Variants in TMCC1 observed in about 807,000 individuals in gnomAD.
TMCC1 encodes the protein transmembrane and coiled-coil domains protein 1.
A neutral mutation model predicts 52.4 loss-of-function variants in TMCC1; 15 were observed. That is an observed-to-expected ratio of 0.29 (90% CI 0.19 to 0.44). The LOEUF (loss-of-function observed/expected upper bound fraction) is 0.44. Ranked by LOEUF, TMCC1 falls within the 20% of genes least tolerant of loss-of-function variation. TMCC1 has a pLI of 1.00. For missense variants in TMCC1, 503 were observed against 806.0 expected, an observed-to-expected ratio of 0.62 and a Z score of 4.55; for synonymous variants, 279 against 301.9, an observed-to-expected ratio of 0.92 and a Z score of 0.79.
intron 4 of TMCC1, among the ~76,000 whole-genome samples, chr3:129,813,100 A>T (rs2057912466): frequency 6.6e-6 from 1 of 152,218 alleles, no homozygotes; most frequent in Admixed American, 6.5e-5. Context: ...GCAAATCTAA[A>T]CCACAATAAG....
chr3:129,669,095 G>T (rs995033842), intron 5 of TMCC1, among the ~76,000 whole-genome samples: 3 of 152,222 alleles, frequency 2.0e-5, no homozygotes, highest in Non-Finnish European at 2.9e-5. Context: ...TTACTGATTA[G>T]AGTTTTCACC....
intron 4 of TMCC1, among the ~76,000 whole-genome samples, chr3:129,748,357 G>A (rs997164793): frequency 6.6e-6 from 1 of 152,064 alleles, no homozygotes; most frequent in African/African-American, 2.4e-5. Context: ...GCATAATCTC[G>A]GCTCACTGCA....
At chr3:129,815,314 G>T (rs1299975949) in intron 4 of TMCC1, among the ~76,000 whole-genome samples, 1 of 151,996 alleles carries the variant, frequency 6.6e-6, no homozygotes, top group African/African-American at 2.4e-5. Flanking sequence ...TGAGCAAAAA[G>T]AACAAAATGG....
chr3:129,810,994 T>C (rs1244365822), intron 4 of TMCC1, among the ~76,000 whole-genome samples: 3 of 152,226 alleles, frequency 2.0e-5, no homozygotes, highest in African/African-American at 7.2e-5. Context: ...GGTAAAATGG[T>C]TATTTAAATG....
chr3:129,859,693 C>T (rs1490444183), intron 2 of TMCC1, among the ~76,000 whole-genome samples: 35 of 150,694 alleles, frequency 2.3e-4, no homozygotes, highest in Admixed American at 2.3e-3. Flanking sequence ...CACATACACA[C>T]GTATATACAT....
At chr3:129,669,685 A>G (rs987576495) in intron 5 of TMCC1, among the ~76,000 whole-genome samples, 1 of 152,234 alleles carries the variant, frequency 6.6e-6, no homozygotes, top group Non-Finnish European at 1.5e-5. Flanking sequence ...GAGAAAGGAC[A>G]CATATTCAGA....
rs138301565 is a variant in TMCC1, at chr3:129,697,416, C to T, written c.577-26152G>A. ...TGTGGGCTGTACACAGCAGGGGGGT[C>T]CTCGGCCTGGCCCACGAAGCCATTT... is the stretch of plus-strand genomic sequence containing the variant. On this transcript the variant is annotated intron_variant, in intron 4 of 6. Coordinates refer to ENST00000393238, the MANE Select transcript of TMCC1 (RefSeq NM_001017395.5). Among the ~76,000 whole-genome samples, 61 of 152,252 alleles carry T rather than the reference C, an allele frequency of 4.0e-4. No individual in the cohort carries two copies. In the East Asian group the frequency reaches 0.011, roughly 28 times the overall value.
At chr3:129,714,441 T>C (rs1419961551) in intron 4 of TMCC1, among the ~76,000 whole-genome samples, 1 of 152,180 alleles carries the variant, frequency 6.6e-6, no homozygotes, top group East Asian at 1.9e-4. Context: ...TTTTCACTTA[T>C]CATTTGTATT....
intron 4 of TMCC1, among the ~76,000 whole-genome samples, chr3:129,799,760 C>T (rs975905342): frequency 9.9e-5 from 15 of 152,006 alleles, no homozygotes; most frequent in Admixed American, 5.9e-4. Context: ...TGCAGTGAGC[C>T]GAGATCATGC....
rs745870890 is a variant in TMCC1, at chr3:129,655,032, T to G, written c.1583A>C (p.Gln528Pro). Residue 528 changes from glutamine to proline, a missense_variant, in exon 6 of 7, where the codon CAG (glutamine) becomes CCG (proline). This residue lies in a region of TMCC1 where 121 missense variants were observed against 193.6 expected (regional missense o/e 0.62). Coordinates refer to ENST00000393238, the MANE Select transcript of TMCC1 (RefSeq NM_001017395.5). ...LHQNEILNLK[Q>P]ELASMEEKIA... ...TTTTTCTTCCATGCTTGCCAGTTCC[T>G]GCTTCAAGTTCAAGATTTCATTCTG... is the stretch of plus-strand genomic sequence containing the variant. 6.2e-7 allele frequency: 1 copy of G among 1,614,218 alleles called. No individual in the cohort carries two copies. Among genetic ancestry groups the G allele is most frequent in the Non-Finnish European group, 8.5e-7 (1 of 1,180,028 alleles).
chr3:129,654,881 C>G, intron 6 of TMCC1, 87 bp downstream of exon 6: 6 of 1,504,528 alleles, frequency 4.0e-6, no homozygotes, highest in South Asian at 1.3e-5. Context: ...TGTTCTCTAC[C>G]TTCTCATCTT....
intron 4 of TMCC1, among the ~76,000 whole-genome samples, chr3:129,817,860 T>C (rs1424442333): frequency 6.6e-6 from 1 of 152,108 alleles, no homozygotes; most frequent in Non-Finnish European, 1.5e-5. Flanking sequence ...TCACCCAGGC[T>C]AGAGTGCAAT....
intron 4 of TMCC1, among the ~76,000 whole-genome samples, chr3:129,792,187 TACATATATATATATAC>T (rs969570818): frequency 2.0e-5 from 3 of 148,088 alleles, no homozygotes; most frequent in Non-Finnish European, 4.5e-5. Context: ...TATATATATA[TACATATATATATATAC>T]ACATATATAT....
rs113985381 is a variant in TMCC1 at position 129,858,014 on chromosome 3, T to C, written c.-184+22295A>G. On this transcript the variant is annotated intron_variant, in intron 2 of 6. Coordinates refer to ENST00000393238, the MANE Select transcript of TMCC1 (RefSeq NM_001017395.5). Reference sequence around the variant, plus strand: ...GCCAGCAGGCAGAAAAGCTGGAACTTACACTCTTGACTACTCTACCACAGG... The same window carrying C: ...GCCAGCAGGCAGAAAAGCTGGAACTCACACTCTTGACTACTCTACCACAGG... Among the ~76,000 whole-genome samples the C allele has an allele frequency of 9.8e-3, 1,490 of 152,308 alleles. 25 individuals carry two copies. Among genetic ancestry groups the C allele is most frequent in the African/African-American group, 0.034 (1,402 of 41,558 alleles).
chr3:129,801,659 C>T (rs1259752537), intron 4 of TMCC1, among the ~76,000 whole-genome samples: 1 of 152,178 alleles, frequency 6.6e-6, no homozygotes, highest in African/African-American at 2.4e-5. Flanking sequence ...TGGCCTCAAA[C>T]TCCTGACTTT....
chr3:129,792,601 C>A (rs1244567397), intron 4 of TMCC1, among the ~76,000 whole-genome samples: 2 of 152,180 alleles, frequency 1.3e-5, no homozygotes, highest in African/African-American at 4.8e-5. Flanking sequence ...AACTCACTAA[C>A]ATAACTATTC....
In TMCC1 at chr3:129,763,204, TAAAA is replaced by T. The variant is rs1177489452; in HGVS notation, c.576+64595_576+64598del. The stretch of plus-strand genomic sequence containing the variant: ...CAGAGCAAGACTCTGTCTCAAAAAA[TAAAA>T]AATAAATAAATAAATAAATAAATAA... On this transcript the variant is annotated intron_variant, in intron 4 of 6. Coordinates refer to ENST00000393238, the MANE Select transcript of TMCC1 (RefSeq NM_001017395.5). 1.8e-4 allele frequency among the ~76,000 whole-genome samples: 19 copies of T among 107,002 alleles called. 1 individual carries two copies. In the East Asian group the frequency reaches 2.1e-3, roughly 12 times the overall value. 70.2% of individuals were successfully genotyped at this position (107,002 alleles called of 152,430 possible).
chr3:129,829,046 T>C (rs1228569495), intron 3 of TMCC1, among the ~76,000 whole-genome samples: 1 of 152,218 alleles, frequency 6.6e-6, no homozygotes, highest in Non-Finnish European at 1.5e-5. Flanking sequence ...TTCATATTCA[T>C]CAAGTTCACT....
At chr3:129,731,638 T>A (rs976480938) in intron 4 of TMCC1, among the ~76,000 whole-genome samples, 1 of 151,944 alleles carries the variant, frequency 6.6e-6, no homozygotes, top group African/African-American at 2.4e-5. Flanking sequence ...CTTCATCATT[T>A]TTTTTTTTTT....
Sources: gnomAD v4.1 joint callset for allele counts (sites outside exome capture counted in the v4.1 genomes callset) on GRCh38, gnomAD v4.1.1 for gene constraint, gnomAD v4.1.1 regional missense constraint, MANE v1.5 for transcripts, NCBI Gene and HGNC (gene_info 2026-07-23, HGNC 2026-07-21) for gene names.